Variants in NEK3 observed in about 807,000 individuals in gnomAD.
The protein encoded by NEK3 is NIMA related kinase 3.
Under a neutral mutation model 66.0 loss-of-function variants are expected in NEK3, and 54 were observed. That is an observed-to-expected ratio of 0.82 (90% CI 0.66 to 1.03). The LOEUF (loss-of-function observed/expected upper bound fraction) is 1.03. NEK3 is among the 50% of genes least tolerant of loss of function. The probability of loss-of-function intolerance (pLI) is 0.00; values close to 1 mark genes in which losing one functional copy is unlikely to be tolerated. For synonymous variants in NEK3, 200 were observed against 206.2 expected (o/e 0.97, Z 0.26); for missense variants, 593 against 603.0 (o/e 0.98, Z 0.17).
chr13:52,133,711 GC>G lies in NEK3; in HGVS notation c.1413del (p.Glu471AspfsTer4). 1 of 1,557,538 alleles carries G rather than the reference GC, an allele frequency of 6.4e-7. No individual in the cohort carries two copies. The highest frequency in any genetic ancestry group is 8.7e-7 in the Non-Finnish European group (1 of 1,149,748). On this transcript the variant is annotated frameshift_variant, in exon 15 of 16. Transcript: ENST00000610828. LOFTEE classifies it high-confidence loss of function. ...TACGTGTCCTCCTCATCTAGCCCAG[GC>G]TCAAGTCGCTCTGGATCCAAAATGA... ...DSVILDPERL[E>X]PGLDEEDTDF...
chr13:52,154,023 T>A (rs1459043810), intron 3 of NEK3, 31 bp from the exon 4 acceptor site: 1 of 1,602,394 alleles, frequency 6.2e-7, no homozygotes, highest in Non-Finnish European at 8.5e-7. Flanking sequence ...TTAGAAAAGC[T>A]GTAGTGGCTA....
chr13:52,141,129 T>A, intron 10 of NEK3, 60 bp from the exon 11 acceptor site: 2 of 1,447,384 alleles, frequency 1.4e-6, no homozygotes, highest in Non-Finnish European at 1.9e-6. Context: ...TCCTATTAAG[T>A]TCCTAATATG....
At chr13:52,143,866 A>G (rs1341227538) in intron 10 of NEK3, 49 bp downstream of exon 10, 2 of 901,250 alleles carry the variant, frequency 2.2e-6, no homozygotes, top group African/African-American at 1.7e-5. Flanking sequence ...CTGTTACAGT[A>G]TATTTTTAAA....
intron 8 of NEK3, among the ~76,000 whole-genome samples, chr13:52,145,847 T>C (rs1220357284): frequency 6.6e-6 from 1 of 152,218 alleles, no homozygotes; most frequent in Non-Finnish European, 1.5e-5. Context: ...ATTGCCCTAA[T>C]ACCTACATGA....
intron 11 of NEK3, among the ~76,000 whole-genome samples, chr13:52,137,502 GAA>G (rs1192270807): frequency 6.6e-6 from 1 of 152,182 alleles, no homozygotes; most frequent in Non-Finnish European, 1.5e-5. Context: ...AATGAATAAA[GAA>G]AGAGTAGGCT....
At chr13:52,146,306 T>C (rs1264193088) in intron 8 of NEK3, among the ~76,000 whole-genome samples, 1 of 152,178 alleles carries the variant, frequency 6.6e-6, no homozygotes, top group Non-Finnish European at 1.5e-5. Context: ...AGTGAATATA[T>C]GAAAAAGAAA....
intron 8 of NEK3, among the ~76,000 whole-genome samples, chr13:52,146,746 C>T (rs551344291): frequency 2.6e-5 from 4 of 152,210 alleles, no homozygotes; most frequent in African/African-American, 9.6e-5. Context: ...TTAAAGGTTC[C>T]CCAAGTTGTT....
At chr13:52,141,314 C>G (rs1275261413) in intron 10 of NEK3, among the ~76,000 whole-genome samples, 3 of 152,176 alleles carry the variant, frequency 2.0e-5, no homozygotes, top group Non-Finnish European at 4.4e-5. Context: ...TAAAAGACAT[C>G]TCTATTCACT....
chr13:52,142,275 ATC>A (rs1439191207), intron 10 of NEK3, among the ~76,000 whole-genome samples: 2 of 150,784 alleles, frequency 1.3e-5, no homozygotes, highest in Non-Finnish European at 1.5e-5. Flanking sequence ...GTAACTGGCT[ATC>A]TCTTTTTTTT....
intron 9 of NEK3, 121 bp from the exon 10 acceptor site, chr13:52,144,108 G>C: frequency 1.6e-6 from 1 of 630,626 alleles, no homozygotes; most frequent in Admixed American, 3.3e-5. Context: ...AAAAACAAAA[G>C]TACCACTTTA....
intron 8 of NEK3, chr13:52,148,045 G>T (rs117561402): frequency 6.1e-6 from 1 of 164,578 alleles, no homozygotes; most frequent in African/African-American, 2.4e-5. Flanking sequence ...AGAGATAATA[G>T]TGGTGGTTGC....
intron 8 of NEK3, among the ~76,000 whole-genome samples, chr13:52,146,761 CTG>C (rs1453960532): frequency 6.6e-6 from 1 of 152,168 alleles, no homozygotes; most frequent in African/African-American, 2.4e-5. Flanking sequence ...GTTGTTCTAA[CTG>C]TGTAGCTATC....
chr13:52,151,360 T>G lies in NEK3; in HGVS notation c.426A>C (p.Lys142Asn). 6.3e-7 allele frequency: 1 copy of G among 1,595,842 alleles called. No homozygotes were observed. The highest frequency in any genetic ancestry group is 8.5e-7 in the Non-Finnish European group (1 of 1,170,674). The change falls in exon 6 of 16, where the codon AAA becomes AAC. Residue 142 changes from lysine to asparagine, a missense_variant. Coordinates refer to ENST00000610828, the MANE Select transcript of NEK3 (RefSeq NM_002498.3). ...NIFLTQNGKV[K>N]LGDFGSARLL... ...GACGGGCAGATCCAAAGTCTCCCAATTTCACTTTTCCATTCTGAGTGAGGA... is the reference window on the plus strand; with the variant it reads ...GACGGGCAGATCCAAAGTCTCCCAAGTTCACTTTTCCATTCTGAGTGAGGA...
chr13:52,154,980 G>T (rs992894739), intron 2 of NEK3, among the ~76,000 whole-genome samples: 9 of 151,554 alleles, frequency 5.9e-5, no homozygotes, highest in African/African-American at 2.2e-4. Context: ...AGAAAGAAAA[G>T]AAATTGCCAT....
At chr13:52,153,277 C>T (rs767191574) in intron 4 of NEK3, among the ~76,000 whole-genome samples, 4 of 152,096 alleles carry the variant, frequency 2.6e-5, no homozygotes, top group East Asian at 1.9e-4. Flanking sequence ...CTTCCTTCTA[C>T]GGAACCCACA....
At chr13:52,158,894 TGTC>T (rs771489117) in intron 1 of NEK3, among the ~76,000 whole-genome samples, 6 of 152,186 alleles carry the variant, frequency 3.9e-5, no homozygotes, top group Non-Finnish European at 8.8e-5. Flanking sequence ...TTCACCGTGT[TGTC>T]GTTTTCTTAT....
At chr13:52,149,876 A>G (rs887877722) in intron 7 of NEK3, among the ~76,000 whole-genome samples, 1 of 152,112 alleles carries the variant, frequency 6.6e-6, no homozygotes, top group African/African-American at 2.4e-5. Flanking sequence ...CTCAAAAAAA[A>G]AAAAAAAAGG....
At chr13:52,152,091 C>T (rs1302406626) in intron 5 of NEK3, among the ~76,000 whole-genome samples, 2 of 152,172 alleles carry the variant, frequency 1.3e-5, no homozygotes, top group Non-Finnish European at 2.9e-5. Flanking sequence ...TTAAGCGATG[C>T]ATGACTGTAC....
chr13:52,140,539 C>T (rs574170578), intron 11 of NEK3, among the ~76,000 whole-genome samples: 37 of 151,880 alleles, frequency 2.4e-4, no homozygotes, highest in Non-Finnish European at 4.6e-4. Flanking sequence ...ATCCAGGAGG[C>T]GGGGCTTGCA....
Sources: gnomAD v4.1 joint callset for allele counts (sites outside exome capture counted in the v4.1 genomes callset) on GRCh38, gnomAD v4.1.1 for gene constraint, MANE v1.5 for transcripts, NCBI Gene and HGNC (gene_info 2026-07-23, HGNC 2026-07-21) for gene names.